NRCAM: variants seen among roughly 807,000 people sequenced by gnomAD.
NRCAM encodes neuronal cell adhesion molecule.
Under a neutral mutation model 156.5 loss-of-function variants are expected in NRCAM, and 83 were observed. The ratio of observed to expected loss-of-function variants is 0.53; its 90% confidence interval spans 0.44 to 0.64. The LOEUF (loss-of-function observed/expected upper bound fraction) is 0.64. Ranked by LOEUF, NRCAM falls within the 30% of genes least tolerant of loss-of-function variation. The pLI, the probability that NRCAM is intolerant of heterozygous loss-of-function variation, is 0.00. For synonymous variants in NRCAM, 538 were observed against 563.9 expected (o/e 0.95, Z 0.65); for missense variants, 1,417 against 1,597.3 (o/e 0.89, Z 1.92).
intron 2 of NRCAM, among the ~76,000 whole-genome samples, chr7:108,351,582 G>T (rs1042517364): frequency 6.6e-6 from 1 of 152,204 alleles, no homozygotes; most frequent in Non-Finnish European, 1.5e-5. Context: ...TGGGATTGGA[G>T]AACCTAAAAT....
intron 2 of NRCAM, among the ~76,000 whole-genome samples, chr7:108,316,615 GA>G (rs375152713): frequency 1.1e-3 from 164 of 147,426 alleles, no homozygotes; most frequent in African/African-American, 3.5e-3. Context: ...CTCTACTAAA[GA>G]AAAAAAAAAT....
At chr7:108,289,879 T>C (rs1004855647) in intron 3 of NRCAM, among the ~76,000 whole-genome samples, 2 of 152,148 alleles carry the variant, frequency 1.3e-5, no homozygotes, top group East Asian at 1.9e-4. Flanking sequence ...AGAATCTGTA[T>C]TGCAGTGAAT....
intron 11 of NRCAM, among the ~76,000 whole-genome samples, chr7:108,218,945 A>G (rs2090986944): frequency 6.6e-6 from 1 of 152,200 alleles, no homozygotes; most frequent in Non-Finnish European, 1.5e-5. Flanking sequence ...AGATAAATAC[A>G]ATTGATAGAC....
chr7:108,333,004 A>G (rs1038111352), intron 2 of NRCAM, among the ~76,000 whole-genome samples: 3 of 152,224 alleles, frequency 2.0e-5, no homozygotes, highest in Non-Finnish European at 4.4e-5. Context: ...AAAAAGGTCA[A>G]ATACCAGCAA....
chr7:108,198,155 T>C, intron 13 of NRCAM, 56 bp from the exon 14 acceptor site: 2 of 1,436,358 alleles, frequency 1.4e-6, no homozygotes, highest in East Asian at 4.6e-5. Context: ...AAGATGTATA[T>C]TAAGCTTGTA....
chr7:108,427,502 C>T (rs1046062939), intron 1 of NRCAM, among the ~76,000 whole-genome samples: 7 of 152,168 alleles, frequency 4.6e-5, no homozygotes, highest in African/African-American at 1.7e-4. Context: ...TTCTTCAGTA[C>T]AATTTATTCT....
Position 108,298,860 on chromosome 7 carries a change from C to G in NRCAM, c.-107+13805G>C, listed in dbSNP as rs188494038. On this transcript the variant is annotated intron_variant, in intron 3 of 32. Coordinates refer to ENST00000379028, the MANE Select transcript of NRCAM (RefSeq NM_001037132.4). ...CAGTGGCTCATGCCTAATCCCAGCA[C>G]TTTGTGAAGCCGAGGCGGGCAGATC... 2.9e-3 allele frequency among the ~76,000 whole-genome samples: 433 copies of G among 151,170 alleles called. 1 individual carries two copies. Among genetic ancestry groups the G allele is most frequent in the African/African-American group, 0.01 (419 of 41,244 alleles).
intron 2 of NRCAM, among the ~76,000 whole-genome samples, chr7:108,344,273 C>G (rs767548500): frequency 5.3e-5 from 8 of 152,288 alleles, no homozygotes; most frequent in Non-Finnish European, 1.2e-4. Flanking sequence ...ACTTACCTCA[C>G]ACCCGACCAA....
At chr7:108,324,501 C>A (rs906650751) in intron 2 of NRCAM, among the ~76,000 whole-genome samples, 1 of 152,106 alleles carries the variant, frequency 6.6e-6, no homozygotes, top group Non-Finnish European at 1.5e-5. Context: ...GTCAAATCAG[C>A]AAGTAAACTA....
intron 1 of NRCAM, among the ~76,000 whole-genome samples, chr7:108,429,857 A>G (rs1822618801): frequency 6.6e-6 from 1 of 152,240 alleles, no homozygotes; most frequent in Non-Finnish European, 1.5e-5. Flanking sequence ...AGCAAGCTAA[A>G]GCAAATCAGG....
chr7:108,427,180 C>T (rs4730311), intron 1 of NRCAM, among the ~76,000 whole-genome samples: 136,676 of 152,026 alleles, frequency 0.9, 61,916 homozygotes, highest in East Asian at 1. Context: ...AAGGCTTCTT[C>T]ACCCTTGCAA....
rs2153489939 is a variant in NRCAM, at chr7:108,198,003, G to C, written c.1304C>G (p.Ser435Cys). 1 of 1,585,640 alleles carries C rather than the reference G, an allele frequency of 6.3e-7. No homozygotes were observed. The highest frequency in any genetic ancestry group is 8.6e-7 in the Non-Finnish European group (1 of 1,166,762). Residue 435 changes from serine (S) to cysteine (C), a missense_variant, in exon 14 of 33, where the codon TCT (serine) becomes TGT (cysteine). Physicochemically the swap from Ser to Cys is moderately radical, Grantham distance 112. Coordinates refer to ENST00000379028, the MANE Select transcript of NRCAM (RefSeq NM_001037132.4). ...RSSAVYQCNA[S>C]NEYGYLLANA... is the part of the protein sequence containing the mutation. The stretch of plus-strand genomic sequence containing the variant: ...TGCCAGTAAATATCCATATTCATTA[G>C]AGGCATTGCACTGATAGACTGCACT...
At chr7:108,279,460 T>C (rs1357906801) in intron 3 of NRCAM, among the ~76,000 whole-genome samples, 1 of 152,186 alleles carries the variant, frequency 6.6e-6, no homozygotes, top group Non-Finnish European at 1.5e-5. Context: ...GTTTGGGAAT[T>C]GGGGAGATTT....
chr7:108,341,228 G>C (rs2099273184), intron 2 of NRCAM, among the ~76,000 whole-genome samples: 1 of 152,234 alleles, frequency 6.6e-6, no homozygotes, highest in South Asian at 2.1e-4. Flanking sequence ...TCCGGCAGCA[G>C]GACTGAGGGT....
chr7:108,327,442 A>G (rs954566447), intron 2 of NRCAM, among the ~76,000 whole-genome samples: 4 of 152,178 alleles, frequency 2.6e-5, no homozygotes, highest in African/African-American at 9.7e-5. Context: ...CCCTAGGAAA[A>G]TGGCAGAGTG....
intron 2 of NRCAM, among the ~76,000 whole-genome samples, chr7:108,313,720 G>C (rs907598710): frequency 1.3e-5 from 2 of 151,904 alleles, no homozygotes; most frequent in Admixed American, 1.3e-4. Context: ...ATTTTATCAG[G>C]ACAAAATATT....
At chr7:108,325,894 G>C (rs75449911) in intron 2 of NRCAM, among the ~76,000 whole-genome samples, 2,611 of 151,766 alleles carry the variant, frequency 0.017, 75 homozygotes, top group African/African-American at 0.06. Flanking sequence ...TGCATAGAAC[G>C]TATCTCTGGT....
chr7:108,451,205 C>A (rs558977148), intron 1 of NRCAM, among the ~76,000 whole-genome samples: 1 of 145,126 alleles, frequency 6.9e-6, no homozygotes, highest in East Asian at 2.0e-4. Flanking sequence ...AGTGACAGGG[C>A]GAGACTCCGT....
Position 108,232,536 on chromosome 7 carries a change from G to C in NRCAM, c.231-14C>G, listed in dbSNP as rs117302672. 6.4e-3 allele frequency: 10,273 copies of C among 1,594,958 alleles called. 43 individuals carry two copies. Among genetic ancestry groups the C allele is most frequent in the Non-Finnish European group, 7.9e-3 (9,279 of 1,169,566 alleles). ...GTCCAGGAAAAGCTGCCCAACACAC[G>C]AAGTGTTAAGTGTATTAATGGTCCA... On this transcript the variant is annotated splice_polypyrimidine_tract_variant and intron_variant, in intron 6 of 32. Coordinates refer to ENST00000379028, the MANE Select transcript of NRCAM (RefSeq NM_001037132.4).
Sources: gnomAD v4.1 joint callset for allele counts (sites outside exome capture counted in the v4.1 genomes callset) on GRCh38, gnomAD v4.1.1 for gene constraint, MANE v1.5 for transcripts, NCBI Gene and HGNC (gene_info 2026-07-23, HGNC 2026-07-21) for gene names.